Variants in CDH20 observed in about 807,000 individuals in gnomAD.
CDH20 encodes cadherin 20.
A neutral mutation model predicts 74.2 loss-of-function variants in CDH20; 29 were observed. That is an observed-to-expected ratio of 0.39 (90% CI 0.29 to 0.53). The LOEUF (loss-of-function observed/expected upper bound fraction) is 0.53. Ranked by LOEUF, CDH20 falls within the 20% of genes least tolerant of loss-of-function variation. The probability of loss-of-function intolerance (pLI) is 0.69; values close to 1 mark genes in which losing one functional copy is unlikely to be tolerated. For synonymous variants in CDH20, 469 were observed against 405.4 expected (o/e 1.16, Z -1.88); for missense variants, 988 against 1,048.3 (o/e 0.94, Z 0.79).
At chr18:61,543,001 C>T (rs555352524) in intron 9 of CDH20, among the ~76,000 whole-genome samples, 2 of 152,160 alleles carry the variant, frequency 1.3e-5, no homozygotes, top group Non-Finnish European at 2.9e-5. Context: ...GATCAGATTT[C>T]AACATGAGAT....
chr18:61,359,502 G>T (rs910636979), intron 1 of CDH20, among the ~76,000 whole-genome samples: 3 of 152,014 alleles, frequency 2.0e-5, no homozygotes, highest in African/African-American at 7.2e-5. Context: ...AATCTTCTAA[G>T]AATTCACTTT....
chr18:61,471,359 T>C (rs1236517007), intron 1 of CDH20, among the ~76,000 whole-genome samples: 2 of 152,248 alleles, frequency 1.3e-5, no homozygotes. Context: ...CAAGAGATAA[T>C]GTCAGAGTTA....
intron 1 of CDH20, among the ~76,000 whole-genome samples, chr18:61,352,917 C>T (rs978656409): frequency 6.6e-6 from 1 of 152,150 alleles, no homozygotes; most frequent in Non-Finnish European, 1.5e-5. Context: ...TCAAAATTGG[C>T]CTGCATAAAA....
chr18:61,500,641 T>A, intron 4 of CDH20, 139 bp downstream of exon 4: 1 of 851,052 alleles, frequency 1.2e-6, no homozygotes, highest in Non-Finnish European at 1.7e-6. Context: ...GCTTTAGGAT[T>A]AAGAGAGCAA....
At chr18:61,458,823 T>A (rs1212241096) in intron 1 of CDH20, among the ~76,000 whole-genome samples, 2 of 152,240 alleles carry the variant, frequency 1.3e-5, no homozygotes, top group African/African-American at 4.8e-5. Flanking sequence ...TTTAAGTATA[T>A]TTTATGTTAA....
chr18:61,425,023 T>C (rs574042169), intron 1 of CDH20, among the ~76,000 whole-genome samples: 2 of 149,150 alleles, frequency 1.3e-5, no homozygotes, highest in Non-Finnish European at 3.0e-5. Context: ...TCTCCCTCTC[T>C]CTCCCACTTC....
At chr18:61,535,551 G>A (rs1009892500) in intron 7 of CDH20, among the ~76,000 whole-genome samples, 1 of 152,094 alleles carries the variant, frequency 6.6e-6, no homozygotes, top group Non-Finnish European at 1.5e-5. Flanking sequence ...TGCCAAATCA[G>A]GTTCAACAGG....
intron 1 of CDH20, among the ~76,000 whole-genome samples, chr18:61,430,152 G>A (rs1913208867): frequency 6.6e-6 from 1 of 150,420 alleles, no homozygotes; most frequent in Non-Finnish European, 1.5e-5. Context: ...CCTGACTTTT[G>A]CAGTTTGGTC....
At chr18:61,396,081 G>T (rs887183019) in intron 1 of CDH20, among the ~76,000 whole-genome samples, 1 of 151,630 alleles carries the variant, frequency 6.6e-6, no homozygotes, top group African/African-American at 2.4e-5. Flanking sequence ...GTTCATGCAC[G>T]CACACCATGT....
chr18:61,402,644 C>G (rs905116490), intron 1 of CDH20, among the ~76,000 whole-genome samples: 2 of 152,084 alleles, frequency 1.3e-5, no homozygotes, highest in African/African-American at 4.8e-5. Context: ...ATTCCAGGTA[C>G]TATAACCTGA....
intron 1 of CDH20, among the ~76,000 whole-genome samples, chr18:61,461,689 T>C (rs1909781793): frequency 6.6e-6 from 1 of 152,164 alleles, no homozygotes; most frequent in Non-Finnish European, 1.5e-5. Flanking sequence ...AGCAGAGGTT[T>C]ATTGAAAATG....
At chr18:61,540,722 A>G (rs1257113182) in intron 9 of CDH20, among the ~76,000 whole-genome samples, 1 of 151,786 alleles carries the variant, frequency 6.6e-6, no homozygotes, top group Non-Finnish European at 1.5e-5. Flanking sequence ...CACTTCTCTC[A>G]CTCCCTGGGA....
rs1910916995 is a variant in CDH20, at chr18:61,490,475, G to A, written c.-79G>A. On this transcript the variant is annotated 5_prime_UTR_variant, in exon 2 of 12. Transcript: ENST00000262717. ...GCATAAGTGTCCAATCAAAAACTGT[G>A]TATTTTTTTAAATTTGGAAAATACT... is the stretch of plus-strand genomic sequence containing the variant. 3 of 1,431,730 alleles carry A rather than the reference G, an allele frequency of 2.1e-6. No homozygotes were observed. Among genetic ancestry groups the A allele is most frequent in the Non-Finnish European group, 2.9e-6 (3 of 1,031,064 alleles). 88.7% of individuals were successfully genotyped at this position (1,431,730 alleles called of 1,614,324 possible).
At chr18:61,488,009 T>C (rs1244254361) in intron 1 of CDH20, among the ~76,000 whole-genome samples, 2 of 151,948 alleles carry the variant, frequency 1.3e-5, no homozygotes, top group Non-Finnish European at 2.9e-5. Context: ...ATAACAGACA[T>C]GTGTGCTTAG....
intron 1 of CDH20, among the ~76,000 whole-genome samples, chr18:61,446,089 C>T (rs1314809316): frequency 6.6e-6 from 1 of 152,196 alleles, no homozygotes; most frequent in Admixed American, 6.5e-5. Flanking sequence ...CCTCAGAACC[C>T]ACACAGCATC....
chr18:61,444,291 G>T (rs1909126713), intron 1 of CDH20, among the ~76,000 whole-genome samples: 1 of 151,912 alleles, frequency 6.6e-6, no homozygotes, highest in Non-Finnish European at 1.5e-5. Flanking sequence ...CAAAGGTATG[G>T]GTATATAAGA....
intron 1 of CDH20, chr18:61,334,198 C>A (rs1171339235): frequency 6.6e-6 from 1 of 152,136 alleles, no homozygotes; most frequent in Non-Finnish European, 1.5e-5. Context: ...ACGGCTTCAC[C>A]CTCGCTGGCC....
chr18:61,550,073 C>A lies in CDH20; in HGVS notation c.1744C>A (p.Pro582Thr). 6.2e-7 allele frequency: 1 copy of A among 1,614,230 alleles called. No homozygotes were observed. Among genetic ancestry groups the A allele is most frequent in the Middle Eastern group, 1.6e-4 (1 of 6,062 alleles). Residue 582 changes from proline (P) to threonine (T), a missense_variant, in exon 11 of 12, where the codon CCC (proline) becomes ACC (threonine). Pro to Thr is a conservative substitution (Grantham distance 38). Coordinates refer to ENST00000262717, the MANE Select transcript of CDH20 (RefSeq NM_031891.4). Reference sequence around the variant, plus strand: ...TATCCTGATAGCAGATAGCGGGCAGCCCGTGCTGAGCAGCACAGGCACACT... The same window carrying A: ...TATCCTGATAGCAGATAGCGGGCAGACCGTGCTGAGCAGCACAGGCACACT... ...LPILIADSGQ[P>T]VLSSTGTLTI...
At chr18:61,454,920 G>A (rs114288062) in intron 1 of CDH20, among the ~76,000 whole-genome samples, 1,970 of 152,282 alleles carry the variant, frequency 0.013, 48 homozygotes, top group African/African-American at 0.045. Context: ...AGCATCATGC[G>A]TGAGGCAAAA....
Sources: gnomAD v4.1 joint callset for allele counts (sites outside exome capture counted in the v4.1 genomes callset) on GRCh38, gnomAD v4.1.1 for gene constraint, MANE v1.5 for transcripts, NCBI Gene and HGNC (gene_info 2026-07-23, HGNC 2026-07-21) for gene names.